Variants in HOMER1 observed in about 807,000 individuals in gnomAD.
The protein encoded by HOMER1 is homer protein homolog 1.
HOMER1 carries 3 observed loss-of-function variants against 48.9 expected under a neutral mutation model. That is an observed-to-expected ratio of 0.06 (90% CI 0.03 to 0.16). The LOEUF (loss-of-function observed/expected upper bound fraction) is 0.16, where lower values mean the gene tolerates loss of function less well. Ranked by LOEUF, HOMER1 falls within the 10% of genes least tolerant of loss-of-function variation. The pLI, the probability that HOMER1 is intolerant of heterozygous loss-of-function variation, is 1.00. For synonymous variants in HOMER1, 134 were observed against 146.4 expected (o/e 0.92, Z 0.61); for missense variants, 247 against 411.4 (o/e 0.60, Z 3.46).
At chr5:79,406,452 G>C (rs1171654572) in intron 5 of HOMER1, among the ~76,000 whole-genome samples, 1 of 152,190 alleles carries the variant, frequency 6.6e-6, no homozygotes, top group East Asian at 1.9e-4. Context: ...ATACAAAAGG[G>C]AATTTGTACC....
chr5:79,443,236 T>C (rs1750786281), intron 4 of HOMER1, among the ~76,000 whole-genome samples: 1 of 152,212 alleles, frequency 6.6e-6, no homozygotes, highest in Admixed American at 6.6e-5. Context: ...GGCTAAATAC[T>C]TTGAAATGAC....
intron 1 of HOMER1, among the ~76,000 whole-genome samples, chr5:79,490,464 A>C (rs1300921283): frequency 6.6e-6 from 1 of 152,168 alleles, no homozygotes; most frequent in Non-Finnish European, 1.5e-5. Context: ...TTTCATAAAA[A>C]CAATATTACT....
intron 5 of HOMER1, among the ~76,000 whole-genome samples, chr5:79,437,929 T>A (rs750152170): frequency 2.6e-5 from 4 of 152,188 alleles, no homozygotes; most frequent in Admixed American, 2.0e-4. Flanking sequence ...AGTGCTGGGA[T>A]TACAGGCATA....
chr5:79,434,870 T>C (rs1461500122), intron 5 of HOMER1, among the ~76,000 whole-genome samples: 2 of 152,208 alleles, frequency 1.3e-5, no homozygotes, highest in Non-Finnish European at 2.9e-5. Context: ...TAATCTATAA[T>C]GCCACTGAAT....
At chr5:79,456,444 T>C (rs1485172860) in intron 2 of HOMER1, among the ~76,000 whole-genome samples, 1 of 152,236 alleles carries the variant, frequency 6.6e-6, no homozygotes, top group East Asian at 1.9e-4. Context: ...TCAGCTTTAG[T>C]ATTGACACTG....
At chr5:79,435,303 T>C (rs1365504280) in intron 5 of HOMER1, among the ~76,000 whole-genome samples, 2 of 152,156 alleles carry the variant, frequency 1.3e-5, no homozygotes, top group Admixed American at 1.3e-4. Flanking sequence ...AAAATTTGAA[T>C]TTTAAGAAAA....
In HOMER1 at chr5:79,373,003, T is replaced by C. The variant is rs1748674364; in HGVS notation, c.*3006A>G. The C allele has an allele frequency of 6.6e-6, 1 of 152,060 alleles. No homozygotes were observed. Among genetic ancestry groups the C allele is most frequent in the Non-Finnish European group, 1.5e-5 (1 of 67,972 alleles). The allele number at this position is 152,060 out of a possible 1,614,324, so 9.4% of individuals were successfully genotyped here. A position where few individuals can be genotyped will look rare whatever the true frequency, so the allele number is the denominator to read the frequency against. ...GATCTTCTATAGAGACAAGGAGAGA[T>C]GCAACTTCGTGAGCATGTTTTAGTC... On this transcript the variant is annotated 3_prime_UTR_variant, in exon 9 of 9. Coordinates refer to ENST00000334082, the MANE Select transcript of HOMER1 (RefSeq NM_004272.5).
At chr5:79,439,574 G>A (rs937765198) in intron 4 of HOMER1, among the ~76,000 whole-genome samples, 2 of 152,130 alleles carry the variant, frequency 1.3e-5, no homozygotes, top group Non-Finnish European at 2.9e-5. Flanking sequence ...AAGGGGTACA[G>A]GAGAAGAAGT....
chr5:79,449,040 T>C (rs1411666892), intron 3 of HOMER1, among the ~76,000 whole-genome samples: 1 of 151,966 alleles, frequency 6.6e-6, no homozygotes, highest in Non-Finnish European at 1.5e-5. Context: ...CTGACAGAAG[T>C]TAATAAACTA....
chr5:79,447,714 T>A (rs1229140715), intron 3 of HOMER1, among the ~76,000 whole-genome samples: 2 of 152,312 alleles, frequency 1.3e-5, no homozygotes, highest in East Asian at 3.9e-4. Context: ...AAAGGAATAA[T>A]ACTCAGTGGT....
At chr5:79,429,309 A>G (rs1750355880) in intron 5 of HOMER1, among the ~76,000 whole-genome samples, 1 of 152,170 alleles carries the variant, frequency 6.6e-6, no homozygotes, top group African/African-American at 2.4e-5. Context: ...CAGGAGGCAG[A>G]GGTTGCAGTG....
intron 6 of HOMER1, among the ~76,000 whole-genome samples, chr5:79,399,855 T>C (rs1161177233): frequency 6.6e-6 from 1 of 152,108 alleles, no homozygotes; most frequent in Non-Finnish European, 1.5e-5. Flanking sequence ...CAAAAACTGC[T>C]CAAGGAGGTT....
intron 8 of HOMER1, 38 bp from the exon 9 acceptor site, chr5:79,376,235 T>G: frequency 6.9e-7 from 1 of 1,458,238 alleles, no homozygotes; most frequent in Non-Finnish European, 9.5e-7. Context: ...ATATGTCAAT[T>G]CATCACTTAG....
At position 79,432,471 on chromosome 5, in the gene HOMER1, G is replaced by A. The variant is rs1750452070; in HGVS notation, c.527+6539C>T. Among the ~76,000 whole-genome samples the A allele has an allele frequency of 2.0e-5, 3 of 152,290 alleles. No individual in the cohort carries two copies. In the South Asian group the frequency reaches 6.2e-4, roughly 32 times the overall value. On this transcript the variant is annotated intron_variant, in intron 5 of 8. Transcript: ENST00000334082. ...CCATTAATTGTAACAGTAAGGCAGA[G>A]GTAGAGAAGAGGAAGGGTCTAATCG...
intron 5 of HOMER1, among the ~76,000 whole-genome samples, chr5:79,430,103 G>T (rs1346695998): frequency 1.3e-5 from 2 of 150,558 alleles, no homozygotes; most frequent in African/African-American, 2.4e-5. Context: ...TAGAACTGAA[G>T]AAAATATTTA....
chr5:79,470,057 A>G (rs1015336213), intron 1 of HOMER1, among the ~76,000 whole-genome samples: 3 of 152,204 alleles, frequency 2.0e-5, no homozygotes, highest in African/African-American at 7.2e-5. Context: ...GAATACAATA[A>G]TCTAAGTGGG....
intron 1 of HOMER1, among the ~76,000 whole-genome samples, chr5:79,469,319 C>T (rs1171494415): frequency 1.3e-5 from 2 of 152,164 alleles, no homozygotes; most frequent in Middle Eastern, 3.2e-3. Context: ...AAAAATAACA[C>T]AATTCTATTG....
rs1748702956 is a variant in HOMER1 at position 79,374,248 on chromosome 5, T to TATA, written c.*1758_*1760dup. 1 of 152,382 alleles carries TATA rather than the reference T, an allele frequency of 6.6e-6. No individual in the cohort carries two copies. The highest frequency in any genetic ancestry group is 6.6e-5 in the Admixed American group (1 of 15,256). The allele number at this position is 152,382 out of a possible 1,614,324, so 9.4% of individuals were successfully genotyped here. On this transcript the variant is annotated 3_prime_UTR_variant, in exon 9 of 9. Transcript: ENST00000334082. ...TATCTAAATTATTCTCCCTATAATA[T>TATA]ATAGGTGAGGAAAATATCCTAAAAT...
At chr5:79,409,082 G>GA (rs1431275541) in intron 5 of HOMER1, among the ~76,000 whole-genome samples, 1 of 46,014 alleles carries the variant, frequency 2.2e-5, no homozygotes. Context: ...ATTTTGTCTT[G>GA]AGAAAAAAAA....
Sources: allele counts gnomAD v4.1 joint callset (sites outside exome capture counted in the v4.1 genomes callset), GRCh38; gene constraint gnomAD v4.1.1; transcripts MANE v1.5; gene names NCBI Gene and HGNC (gene_info 2026-07-23, HGNC 2026-07-21).